ZNF274: variants seen among roughly 807,000 people sequenced by gnomAD.
ZNF274 encodes the protein zinc finger protein 274.
Under a neutral mutation model 42.5 loss-of-function variants are expected in ZNF274, and 23 were observed. The observed-to-expected ratio is 0.54, with a 90% CI of 0.39 to 0.77. The LOEUF is 0.77. Among genes scored for constraint, ZNF274 ranks in the 30% least tolerant of loss-of-function variants. The pLI, the probability that ZNF274 is intolerant of heterozygous loss-of-function variation, is 0.00. For missense variants in ZNF274, 679 were observed against 806.5 expected (o/e 0.84, Z 1.91); for synonymous variants, 292 against 305.4 (o/e 0.96, Z 0.46).
chr19:58,193,571 G>A (rs1179925299), intron 4 of ZNF274, among the ~76,000 whole-genome samples: 1 of 143,788 alleles, frequency 7.0e-6, no homozygotes, highest in Non-Finnish European at 1.5e-5. Context: ...TCCTACCTCA[G>A]CCTCCTGAGA....
At chr19:58,195,764 C>A (rs1302825008) in intron 4 of ZNF274, among the ~76,000 whole-genome samples, 1 of 152,152 alleles carries the variant, frequency 6.6e-6, no homozygotes, top group African/African-American at 2.4e-5. Flanking sequence ...CACCCCAGAT[C>A]ATGAGGCATT....
intron 4 of ZNF274, among the ~76,000 whole-genome samples, chr19:58,198,300 T>C (rs1307518500): frequency 6.6e-6 from 1 of 152,250 alleles, no homozygotes; most frequent in Non-Finnish European, 1.5e-5. Flanking sequence ...TTAGTTACAG[T>C]AGTTTGCACA....
intron 1 of ZNF274, 129 bp downstream of exon 1, chr19:58,183,571 G>C (rs972694216): frequency 1.1e-5 from 2 of 188,946 alleles, no homozygotes; most frequent in South Asian, 1.7e-4. Context: ...CGTGCCTGCA[G>C]TCCTCCCGCC....
At chr19:58,196,081 C>T (rs1256041665) in intron 4 of ZNF274, among the ~76,000 whole-genome samples, 2 of 152,150 alleles carry the variant, frequency 1.3e-5, no homozygotes, top group Non-Finnish European at 2.9e-5. Flanking sequence ...AGGTGGCACT[C>T]GAATCTTCAG....
chr19:58,195,196 C>CAA (rs11384650), intron 4 of ZNF274, among the ~76,000 whole-genome samples: 13 of 122,526 alleles, frequency 1.1e-4, no homozygotes, highest in African/African-American at 1.8e-4. Flanking sequence ...GACTCTGTCT[C>CAA]AAAAAAAAAA....
At chr19:58,198,779 C>T (rs1001998528) in intron 4 of ZNF274, among the ~76,000 whole-genome samples, 15 of 149,404 alleles carry the variant, frequency 1.0e-4, no homozygotes, top group African/African-American at 3.7e-4. Flanking sequence ...AAAATTAGTC[C>T]TAGGAGAAAT....
intron 4 of ZNF274, among the ~76,000 whole-genome samples, chr19:58,188,523 C>T (rs1347673229): frequency 6.8e-6 from 1 of 147,472 alleles, no homozygotes; most frequent in Non-Finnish European, 1.5e-5. Flanking sequence ...GAGGCTGAGG[C>T]AGGAGAATTG....
rs985271537 is a variant in ZNF274 at position 58,204,367 on chromosome 19, G to T, written c.257-2353G>T. Among the ~76,000 whole-genome samples, 71 of 152,242 alleles carry T rather than the reference G, an allele frequency of 4.7e-4. 1 individual carries two copies. Among genetic ancestry groups the T allele is most frequent in the African/African-American group, 1.6e-3 (68 of 41,530 alleles). On this transcript the variant is annotated intron_variant, in intron 4 of 7. Coordinates refer to ENST00000617501, the MANE Select transcript of ZNF274 (RefSeq NM_133502.3). ...GTCCAGGGGGGGCAGGGTTCGAGGC[G>T]TGGCCTAGAGGCGTTGTAGGCGTCG... is the stretch of plus-strand genomic sequence containing the variant.
chr19:58,201,391 C>A (rs78604285), intron 4 of ZNF274, among the ~76,000 whole-genome samples: 6,304 of 152,004 alleles, frequency 0.041, 172 homozygotes, highest in East Asian at 0.12. Flanking sequence ...TGAAGGTTCA[C>A]CAGGCCCCAC....
chr19:58,203,519 A>T (rs1398638077), intron 4 of ZNF274, among the ~76,000 whole-genome samples: 1 of 150,368 alleles, frequency 6.7e-6, no homozygotes, highest in Non-Finnish European at 1.5e-5. Flanking sequence ...CGGAGGTTGC[A>T]GTGAGCCGAG....
intron 4 of ZNF274, among the ~76,000 whole-genome samples, chr19:58,187,412 T>C (rs972422919): frequency 1.3e-5 from 2 of 152,200 alleles, no homozygotes; most frequent in Non-Finnish European, 2.9e-5. Flanking sequence ...GGGGGTGTTA[T>C]AATACAGACA....
rs191399127 is a variant in ZNF274 at position 58,193,177 on chromosome 19, C to T, written c.256+6135C>T. On this transcript the variant is annotated intron_variant, in intron 4 of 7. Coordinates refer to ENST00000617501, the MANE Select transcript of ZNF274 (RefSeq NM_133502.3). ...TTTTTTTTTTTTTGAGACACAGTCT[C>T]GCTCTGTTGCCCAGGTTGGAGTGCA... is the stretch of plus-strand genomic sequence containing the variant. Among the ~76,000 whole-genome samples, 760 of 150,350 alleles carry T rather than the reference C, an allele frequency of 5.1e-3. 8 individuals carry two copies. Among genetic ancestry groups the T allele is most frequent in the African/African-American group, 0.018 (719 of 40,806 alleles).
intron 4 of ZNF274, among the ~76,000 whole-genome samples, chr19:58,200,471 G>C (rs1193169683): frequency 6.6e-6 from 1 of 152,190 alleles, no homozygotes; most frequent in Non-Finnish European, 1.5e-5. Flanking sequence ...TACATTGGTG[G>C]GGGACAAGCG....
At chr19:58,203,606 G>T (rs961018591) in intron 4 of ZNF274, among the ~76,000 whole-genome samples, 13 of 150,656 alleles carry the variant, frequency 8.6e-5, no homozygotes, top group Non-Finnish European at 1.8e-4. Flanking sequence ...AGAAAAAAAC[G>T]CTGTAATTGA....
intron 4 of ZNF274, among the ~76,000 whole-genome samples, chr19:58,198,538 T>C (rs2146218459): frequency 6.6e-6 from 1 of 152,320 alleles, no homozygotes; most frequent in African/African-American, 2.4e-5. Context: ...AACATGGTTG[T>C]GTGTCAGTTG....
chr19:58,183,992 GTCCTGTGTGAGT>G lies in ZNF274; in HGVS notation c.28_33+6del. 2 of 1,594,786 alleles carry G rather than the reference GTCCTGTGTGAGT, an allele frequency of 1.3e-6. No individual in the cohort carries two copies. The highest frequency in any genetic ancestry group is 1.7e-6 in the Non-Finnish European group (2 of 1,170,550). On this transcript the variant is annotated splice_donor_variant and splice_donor_5th_base_variant and coding_sequence_variant and intron_variant, in exon 2 of 8. Transcript: ENST00000617501. LOFTEE classifies it high-confidence loss of function. ...TGGCCTCCAGGCTTCCGACGGCCTG[GTCCTGTGTGAGT>G]AGAGGCTTCCTTCAGCTTTTGAGTC...
chr19:58,210,577 A>G (rs1252553470), intron 6 of ZNF274: 1 of 152,934 alleles, frequency 6.5e-6, no homozygotes, highest in Non-Finnish European at 1.5e-5. Flanking sequence ...AATGGCTTAT[A>G]CTGGCTCAAG....
chr19:58,213,041 A>T lies in ZNF274; in HGVS notation c.1860A>T (p.Ala620=). The stretch of plus-strand genomic sequence containing the variant: ...CTCACACCGGGGAGCGCCCATATGC[A>T]TGCAACAAATGTGGAAAGGCCTTCA... ...QRTHTGERPY[A]CNKCGKAFTQ... Residue 620 remains alanine (A), a synonymous_variant, in exon 8 of 8, where the codon GCA becomes GCT. Coordinates refer to ENST00000617501, the MANE Select transcript of ZNF274 (RefSeq NM_133502.3). 1 of 1,614,086 alleles carries T rather than the reference A, an allele frequency of 6.2e-7. No individual in the cohort carries two copies. Among genetic ancestry groups the T allele is most frequent in the Non-Finnish European group, 8.5e-7 (1 of 1,179,924 alleles).
chr19:58,187,310 C>T (rs1210044106), intron 4 of ZNF274, among the ~76,000 whole-genome samples: 2 of 152,208 alleles, frequency 1.3e-5, no homozygotes, highest in African/African-American at 4.8e-5. Context: ...ACTGCCCTCC[C>T]CTCATAATCA....
Sources: gnomAD v4.1 joint callset for allele counts (sites outside exome capture counted in the v4.1 genomes callset) on GRCh38, gnomAD v4.1.1 for gene constraint, MANE v1.5 for transcripts, NCBI Gene and HGNC (gene_info 2026-07-23, HGNC 2026-07-21) for gene names.